Variants in NR3C2 observed in about 807,000 individuals in gnomAD.
NR3C2 encodes the protein mineralocorticoid receptor.
A neutral mutation model predicts 86.4 loss-of-function variants in NR3C2; 15 were observed. That is an observed-to-expected ratio of 0.17 (90% CI 0.12 to 0.27). The LOEUF (loss-of-function observed/expected upper bound fraction) is 0.27, where lower values mean the gene tolerates loss of function less well. Among genes scored for constraint, NR3C2 ranks in the 10% least tolerant of loss-of-function variants. NR3C2 has a pLI of 1.00. For synonymous variants in NR3C2, 458 were observed against 450.5 expected (o/e 1.02, Z -0.21); for missense variants, 960 against 1,195.6 (o/e 0.80, Z 2.91).
At chr4:148,185,212 A>G (rs1735837024) in intron 4 of NR3C2, among the ~76,000 whole-genome samples, 1 of 152,220 alleles carries the variant, frequency 6.6e-6, no homozygotes, top group Non-Finnish European at 1.5e-5. Context: ...GAGCACAAAG[A>G]AAGGATAACT....
In NR3C2 at chr4:148,347,737, T is replaced by G. The variant is rs111547221; in HGVS notation, c.1757+87367A>C. On this transcript the variant is annotated intron_variant, in intron 2 of 8. Coordinates refer to ENST00000358102, the MANE Select transcript of NR3C2 (RefSeq NM_000901.5). Reference sequence around the variant, plus strand: ...TGAACAAACCAAATTTCTTGCACTCTTTGAGCTTACAACCTCATGACACAA... The same window carrying G: ...TGAACAAACCAAATTTCTTGCACTCGTTGAGCTTACAACCTCATGACACAA... Among the ~76,000 whole-genome samples, 1,313 of 152,232 alleles carry G rather than the reference T, an allele frequency of 8.6e-3. 17 individuals are homozygous for G. Among genetic ancestry groups the G allele is most frequent in the African/African-American group, 0.029 (1,204 of 41,552 alleles).
intron 2 of NR3C2, among the ~76,000 whole-genome samples, chr4:148,326,536 G>C (rs1202164745): frequency 6.6e-6 from 1 of 152,156 alleles, no homozygotes; most frequent in African/African-American, 2.4e-5. Flanking sequence ...AAAAGGAAAA[G>C]GTGACACATA....
upstream of NR3C2, chr4:148,442,726 A>G: frequency 1.0e-6 from 1 of 985,358 alleles, no homozygotes; most frequent in Non-Finnish European, 1.2e-6. Flanking sequence ...GCTTCCTTAA[A>G]GCCGCAGCCG....
At chr4:148,272,044 C>T (rs1218467834) in intron 2 of NR3C2, among the ~76,000 whole-genome samples, 1 of 152,106 alleles carries the variant, frequency 6.6e-6, no homozygotes, top group African/African-American at 2.4e-5. Context: ...ATTTATTCAA[C>T]ACAACTACTA....
At chr4:148,181,633 G>A (rs1390499362) in intron 4 of NR3C2, among the ~76,000 whole-genome samples, 1 of 152,154 alleles carries the variant, frequency 6.6e-6, no homozygotes, top group African/African-American at 2.4e-5. Context: ...GCTACACAAA[G>A]CAGAAAATTC....
At chr4:148,113,592 G>T (rs1385458556) in intron 8 of NR3C2, among the ~76,000 whole-genome samples, 2 of 152,038 alleles carry the variant, frequency 1.3e-5, no homozygotes, top group African/African-American at 4.8e-5. Context: ...TCTTCCCAAA[G>T]CCCTGTGTAT....
At chr4:148,275,499 C>T (rs765491) in intron 2 of NR3C2, among the ~76,000 whole-genome samples, 30,159 of 151,546 alleles carry the variant, frequency 0.2, 3,893 homozygotes, top group East Asian at 0.47. Flanking sequence ...GACGTGATCA[C>T]GGCTTACTGC....
At chr4:148,312,062 T>C (rs1057361916) in intron 2 of NR3C2, among the ~76,000 whole-genome samples, 3 of 143,498 alleles carry the variant, frequency 2.1e-5, no homozygotes, top group Non-Finnish European at 3.0e-5. Context: ...TTTATCACCA[T>C]TTAACATATC....
rs528555511 is a variant in NR3C2 at position 148,247,124 on chromosome 4, G to A, written c.1897+12854C>T. On this transcript the variant is annotated intron_variant, in intron 3 of 8. Transcript: ENST00000358102. ...AAGACAGAACAGAAAGCCTACTCTG[G>A]TTTCCTGCATAAATGGAGAAACATA... Among the ~76,000 whole-genome samples the A allele has an allele frequency of 5.9e-5, 9 of 152,276 alleles. No individual in the cohort carries two copies. In the South Asian group the frequency reaches 1.9e-3, roughly 32 times the overall value.
intron 2 of NR3C2, among the ~76,000 whole-genome samples, chr4:148,339,854 C>A (rs1267283375): frequency 6.6e-6 from 1 of 151,908 alleles, no homozygotes; most frequent in Non-Finnish European, 1.5e-5. Flanking sequence ...AGTAAAGTTG[C>A]AGAATACAAA....
chr4:148,319,938 G>A (rs1301753399), intron 2 of NR3C2, among the ~76,000 whole-genome samples: 27 of 144,242 alleles, frequency 1.9e-4, no homozygotes, highest in Middle Eastern at 7.0e-3. Context: ...GTGAGAGAGG[G>A]CATCCCTGTC....
chr4:148,239,739 G>A (rs187560569), intron 3 of NR3C2, among the ~76,000 whole-genome samples: 211 of 152,290 alleles, frequency 1.4e-3, no homozygotes, highest in Middle Eastern at 6.8e-3. Flanking sequence ...CAGTTTTTTG[G>A]TATATGGGAA....
At chr4:148,213,732 G>A (rs1428391960) in intron 3 of NR3C2, among the ~76,000 whole-genome samples, 3 of 152,134 alleles carry the variant, frequency 2.0e-5, no homozygotes, top group African/African-American at 4.8e-5. Context: ...GGCATGCAAC[G>A]TTCTCAGAAC....
At chr4:148,413,421 T>TA (rs1347545299) in intron 2 of NR3C2, among the ~76,000 whole-genome samples, 9 of 151,640 alleles carry the variant, frequency 5.9e-5, no homozygotes, top group South Asian at 2.1e-4. Flanking sequence ...TTCATGAACT[T>TA]AGAGTAGAGA....
intron 4 of NR3C2, among the ~76,000 whole-genome samples, chr4:148,186,683 A>C (rs1013476893): frequency 1.6e-4 from 24 of 151,842 alleles, no homozygotes; most frequent in Middle Eastern, 3.4e-3. Flanking sequence ...TTTAGTGGTG[A>C]TTTGTGAGAT....
intron 6 of NR3C2, among the ~76,000 whole-genome samples, chr4:148,142,003 C>T (rs1016692478): frequency 4.0e-5 from 6 of 151,772 alleles, no homozygotes; most frequent in East Asian, 1.9e-4. Flanking sequence ...AAGTCAGCAG[C>T]GAGAAAGTAT....
At chr4:148,253,403 G>A (rs1416249954) in intron 3 of NR3C2, among the ~76,000 whole-genome samples, 1 of 152,138 alleles carries the variant, frequency 6.6e-6, no homozygotes, top group Non-Finnish European at 1.5e-5. Flanking sequence ...AAGTAACTAA[G>A]ACTTTTCTGT....
At chr4:148,318,757 T>C (rs1345494205) in intron 2 of NR3C2, among the ~76,000 whole-genome samples, 4 of 152,220 alleles carry the variant, frequency 2.6e-5, no homozygotes, top group African/African-American at 7.2e-5. Flanking sequence ...TTTGAGTTCA[T>C]TGTAGATTCT....
chr4:148,280,014 C>T (rs938543556), intron 2 of NR3C2, among the ~76,000 whole-genome samples: 2 of 152,128 alleles, frequency 1.3e-5, no homozygotes, highest in Admixed American at 6.5e-5. Flanking sequence ...CATGAACCAT[C>T]GTGCCCAGCC....
Sources: allele counts gnomAD v4.1 joint callset (sites outside exome capture counted in the v4.1 genomes callset), GRCh38; gene constraint gnomAD v4.1.1; transcripts MANE v1.5; gene names NCBI Gene and HGNC (gene_info 2026-07-23, HGNC 2026-07-21).